The following CEP290 variants were observed in gnomAD, a reference collection of about 807,000 sequenced individuals.
CEP290 encodes centrosomal protein 290.
Under a neutral mutation model 344.9 loss-of-function variants are expected in CEP290, and 317 were observed. The ratio of observed to expected loss-of-function variants is 0.92; its 90% CI spans 0.84 to 1.01. CEP290 has a LOEUF of 1.01. Ranked by LOEUF, CEP290 falls within the 50% of genes least tolerant of loss-of-function variation. The probability of loss-of-function intolerance (pLI) is 0.00; values close to 1 mark genes in which losing one functional copy is unlikely to be tolerated. For missense variants in CEP290, 2,754 were observed against 2,761.4 expected (o/e 1.00, Z 0.06); for synonymous variants, 932 against 895.8 (o/e 1.04, Z -0.72).
chr12:88,088,904 C>A, intron 31 of CEP290, 128 bp downstream of exon 31: 1 of 548,870 alleles, frequency 1.8e-6, no homozygotes, highest in Non-Finnish European at 3.0e-6. Flanking sequence ...TACAACTACT[C>A]AGGAGGCTGA....
intron 20 of CEP290, 61 bp from the exon 21 acceptor site, chr12:88,111,919 ACAGT>A (rs1378341212): frequency 8.2e-7 from 1 of 1,222,676 alleles, no homozygotes; most frequent in East Asian, 2.9e-5. Context: ...ATAGTAAAAA[ACAGT>A]CTGTCTTTAA....
At chr12:88,141,420 TC>T (rs1464779403) in intron 1 of CEP290, 86 bp from the exon 2 acceptor site, 2 of 602,234 alleles carry the variant, frequency 3.3e-6, no homozygotes, top group African/African-American at 3.9e-5. Context: ...GCAGATTATT[TC>T]ATTATAACTT....
chr12:88,065,146 T>C (rs1004559605), intron 44 of CEP290, among the ~76,000 whole-genome samples: 2 of 152,122 alleles, frequency 1.3e-5, no homozygotes, highest in South Asian at 4.1e-4. Context: ...ATAAGCATCA[T>C]AGGAAATAAT....
chr12:88,098,595 GT>G (rs1480135566), intron 26 of CEP290, among the ~76,000 whole-genome samples: 1 of 151,854 alleles, frequency 6.6e-6, no homozygotes, highest in Non-Finnish European at 1.5e-5. Context: ...CTGGGCAACA[GT>G]GAGACCCTGA....
chr12:88,086,222 GTAAC>G (rs2036562476), intron 33 of CEP290, 49 bp from the exon 34 acceptor site: 1 of 1,588,128 alleles, frequency 6.3e-7, no homozygotes, highest in Non-Finnish European at 8.5e-7. Flanking sequence ...AGCATTGAGA[GTAAC>G]TATTAATTTT....
intron 46 of CEP290, 49 bp downstream of exon 46, chr12:88,062,643 G>A (rs749231442): frequency 8.2e-7 from 1 of 1,221,250 alleles, no homozygotes; most frequent in Non-Finnish European, 1.2e-6. Flanking sequence ...TTCATTTCTG[G>A]CTTATCACTG....
rs768408897 is a variant in CEP290, at chr12:88,130,260, C to A, written c.669+8G>T. ...CCATTGCTCTGAATTGACTTCTAGC[C>A]ATTTTACCTGAATTTCATCAAGATA... On this transcript the variant is annotated splice_region_variant and intron_variant, in intron 9 of 53. Coordinates refer to ENST00000552810, the MANE Select transcript of CEP290 (RefSeq NM_025114.4). 2.5e-6 allele frequency: 4 copies of A among 1,592,722 alleles called. No homozygotes were observed. The Admixed American group carries it at 7.3e-5, about 29-fold the overall frequency.
chr12:88,050,402 A>G lies in CEP290; in HGVS notation c.7161T>C (p.Asp2387=), dbSNP rs1419407850. The change falls in exon 53 of 54, where the codon GAT becomes GAC. Residue 2387 remains aspartate (D), a synonymous_variant. Transcript: ENST00000552810. The part of the protein sequence containing the change: ...DADQLKEKIK[D]LETQLKMSDL... The stretch of plus-strand genomic sequence containing the variant: ...CTGACATTTTGAGCTGTGTCTCTAG[A>G]TCTTTTATTTTTTCCTTTAGTTGAT... 8 of 1,563,876 alleles carry G rather than the reference A, an allele frequency of 5.1e-6. No homozygotes were observed. Among genetic ancestry groups the G allele is most frequent in the East Asian group, 2.3e-5 (1 of 43,768 alleles).
intron 6 of CEP290, among the ~76,000 whole-genome samples, chr12:88,133,072 GT>G (rs778943616): frequency 0.031 from 3,976 of 128,994 alleles, 54 homozygotes; most frequent in African/African-American, 0.043. Context: ...TCTTGTTCCG[GT>G]TTTTTTTTTT....
Position 88,126,452 on chromosome 12 carries a change from C to A in CEP290, c.943-14G>T, listed in dbSNP as rs1250462482. On this transcript the variant is annotated splice_polypyrimidine_tract_variant and intron_variant, in intron 11 of 53. Coordinates refer to ENST00000552810, the MANE Select transcript of CEP290 (RefSeq NM_025114.4). ...AGACAAAATTAGCTAGAAATAAACACAATAGAATCTGTTATGCAAAAGGAA... is the reference window on the plus strand; with the variant it reads ...AGACAAAATTAGCTAGAAATAAACAAAATAGAATCTGTTATGCAAAAGGAA... 1.4e-6 allele frequency: 2 copies of A among 1,463,920 alleles called. No homozygotes were observed. Among genetic ancestry groups the A allele is most frequent in the Non-Finnish European group, 1.8e-6 (2 of 1,099,174 alleles). 90.7% of individuals were successfully genotyped at this position (1,463,920 alleles called of 1,614,324 possible).
intron 25 of CEP290, 96 bp from the exon 26 acceptor site, chr12:88,103,107 C>T (rs987577825): frequency 2.1e-5 from 13 of 630,844 alleles, no homozygotes; most frequent in Middle Eastern, 4.7e-4. Context: ...TAAAGTAAAA[C>T]GAATTTTAAA....
rs377711472 is a variant in CEP290 at position 88,058,861 on chromosome 12, T to C, written c.6805A>G (p.Ile2269Val). The change falls in exon 49 of 54, where the codon ATT becomes GTT. Residue 2269 changes from isoleucine to valine, a missense_variant. Ile to Val is a conservative substitution (Grantham distance 29). Transcript: ENST00000552810. ...CTCTGTTCCTACCTTGTAACCACAA[T>C]GGATTTCCAGCTCTTACTGTCAGCA... ...EGADSKSWKS[I>V]VVTRMYETKL... is the part of the protein sequence containing the mutation. 5.0e-6 allele frequency: 8 copies of C among 1,613,592 alleles called. No individual in the cohort carries two copies. The African/African-American group carries it at 8.0e-5, about 16-fold the overall frequency.
chr12:88,077,987 A>G, intron 39 of CEP290, 69 bp from the exon 40 acceptor site: 2 of 667,600 alleles, frequency 3.0e-6, no homozygotes, highest in Non-Finnish European at 4.8e-6. Flanking sequence ...AGGAACATAA[A>G]ACAGAAAATA....
At chr12:88,092,557 G>T in intron 29 of CEP290, 124 bp downstream of exon 29, 1 of 729,054 alleles carries the variant, frequency 1.4e-6, no homozygotes. Flanking sequence ...ACTTAATCCT[G>T]TTCTTATAAA....
In CEP290 at chr12:88,114,420, AT is replaced by A; in HGVS notation, c.2051del (p.Asn684MetfsTer3). 1 of 1,541,104 alleles carries A rather than the reference AT, an allele frequency of 6.5e-7. No individual in the cohort carries two copies. The highest frequency in any genetic ancestry group is 8.7e-7 in the Non-Finnish European group (1 of 1,143,200). On this transcript the variant is annotated frameshift_variant and splice_region_variant, in exon 20 of 54. Transcript: ENST00000552810. LOFTEE classifies it high-confidence loss of function. ...LIIPSLERLV[N>X]AIESKNAEGI... is the part of the protein sequence containing the mutation. ...CATTAACATGAAAAAAATAACTTAC[AT>A]TAACTAGTCTTTCAAGGCTAGGGAT...
rs146237577 is a variant in CEP290 at position 88,079,951 on chromosome 12, G to A, written c.5226+231C>T. 4.4e-3 allele frequency among the ~76,000 whole-genome samples: 665 copies of A among 152,022 alleles called. 7 individuals carry two copies. The highest frequency in any genetic ancestry group is 0.015 in the African/African-American group (639 of 41,478). On this transcript the variant is annotated intron_variant, in intron 38 of 53. Transcript: ENST00000552810. Reference sequence around the variant, plus strand: ...TTAAGATTTTTCCTAACTTCATATAGATAATTCACAAATCAGATTGACGAA... The same window carrying A: ...TTAAGATTTTTCCTAACTTCATATAAATAATTCACAAATCAGATTGACGAA...
intron 44 of CEP290, among the ~76,000 whole-genome samples, chr12:88,066,139 T>A (rs1407694473): frequency 1.3e-5 from 2 of 152,190 alleles, no homozygotes; most frequent in Non-Finnish European, 2.9e-5. Flanking sequence ...TTTCCATGAC[T>A]TAGGTGACTG....
At position 88,109,047 on chromosome 12, in the gene CEP290, G is replaced by T; in HGVS notation, c.2483+19C>A. 1.3e-6 allele frequency: 1 copy of T among 784,868 alleles called. No homozygotes were observed. The highest frequency in any genetic ancestry group is 2.0e-6 in the Non-Finnish European group (1 of 508,836). The allele number at this position is 784,868 out of a possible 1,614,324, so 48.6% of individuals were successfully genotyped here. Reference sequence around the variant, plus strand: ...AGAATATACTGCAATTATATTTATAGTTTTGCTAATACCTATACCTTAGGT... The same window carrying T: ...AGAATATACTGCAATTATATTTATATTTTTGCTAATACCTATACCTTAGGT... On this transcript the variant is annotated intron_variant, in intron 23 of 53. Coordinates refer to ENST00000552810, the MANE Select transcript of CEP290 (RefSeq NM_025114.4).
chr12:88,082,670 G>A (rs1321999542), intron 37 of CEP290, among the ~76,000 whole-genome samples: 2 of 152,178 alleles, frequency 1.3e-5, no homozygotes, highest in Admixed American at 6.5e-5. Context: ...CTCCAGCCTA[G>A]GAAATAGAGC....
Sources: gnomAD v4.1 joint callset for allele counts (sites outside exome capture counted in the v4.1 genomes callset) on GRCh38, gnomAD v4.1.1 for gene constraint, MANE v1.5 for transcripts, NCBI Gene and HGNC (gene_info 2026-07-23, HGNC 2026-07-21) for gene names.